The following ZHX2 variants were observed in gnomAD, a reference collection of about 807,000 sequenced individuals.
ZHX2 encodes the protein zinc fingers and homeoboxes protein 2.
Under a neutral mutation model 21.9 loss-of-function variants are expected in ZHX2, and 6 were observed. That is an observed-to-expected ratio of 0.27 (90% CI 0.15 to 0.54). The LOEUF is 0.54. ZHX2 is among the 20% of genes least tolerant of loss of function. ZHX2 has a pLI of 0.95. For synonymous variants in ZHX2, 434 were observed against 437.1 expected, an observed-to-expected ratio of 0.99 and a Z score of 0.09; for missense variants, 908 against 1,090.7, an observed-to-expected ratio of 0.83 and a Z score of 2.36.
intron 1 of ZHX2, among the ~76,000 whole-genome samples, chr8:122,830,907 C>T (rs1818360376): frequency 6.6e-6 from 1 of 152,156 alleles, no homozygotes; most frequent in Admixed American, 6.5e-5. Flanking sequence ...GTTTCTAGAG[C>T]CAGCTTGGTG....
At chr8:122,792,089 A>G (rs965111465) in intron 1 of ZHX2, among the ~76,000 whole-genome samples, 6 of 152,290 alleles carry the variant, frequency 3.9e-5, no homozygotes, top group Non-Finnish European at 8.8e-5. Flanking sequence ...TTATCACCCC[A>G]GAAAGAGATC....
At chr8:122,841,249 G>A (rs1337720313) in intron 1 of ZHX2, among the ~76,000 whole-genome samples, 1 of 152,106 alleles carries the variant, frequency 6.6e-6, no homozygotes, top group African/African-American at 2.4e-5. Context: ...TGACAAAGGC[G>A]CTAGAGGCCT....
intron 1 of ZHX2, among the ~76,000 whole-genome samples, chr8:122,786,722 C>A (rs968942397): frequency 1.3e-5 from 2 of 152,006 alleles, no homozygotes; most frequent in African/African-American, 2.4e-5. Flanking sequence ...TGCCTCCCCC[C>A]ACCCCCAGTA....
intron 1 of ZHX2, among the ~76,000 whole-genome samples, chr8:122,844,413 C>A (rs1818708281): frequency 6.6e-6 from 1 of 152,258 alleles, no homozygotes; most frequent in Non-Finnish European, 1.5e-5. Context: ...CATTGCGAAT[C>A]TGACCTGCTC....
At chr8:122,839,438 G>A (rs1235439891) in intron 1 of ZHX2, among the ~76,000 whole-genome samples, 3 of 152,096 alleles carry the variant, frequency 2.0e-5, no homozygotes, top group South Asian at 2.1e-4. Context: ...TGCCCGGCTC[G>A]TATCCTCAGA....
At position 122,892,047 on chromosome 8, in the gene ZHX2, G is replaced by A. The variant is rs1301359674; in HGVS notation, c.-220+28508G>A. On this transcript the variant is annotated intron_variant, in intron 2 of 3. Coordinates refer to ENST00000314393, the MANE Select transcript of ZHX2 (RefSeq NM_014943.5). Reference sequence around the variant, plus strand: ...GCAGTCCTCAGCTATTATTATATTGGGGTCTCTCTCTCTCCCTTTAGGTCT... The same window carrying A: ...GCAGTCCTCAGCTATTATTATATTGAGGTCTCTCTCTCTCCCTTTAGGTCT... 3.3e-5 allele frequency among the ~76,000 whole-genome samples: 5 copies of A among 152,140 alleles called. No homozygotes were observed. The East Asian group carries it at 9.6e-4, about 29-fold the overall frequency.
intron 1 of ZHX2, among the ~76,000 whole-genome samples, chr8:122,833,583 C>T (rs1047975000): frequency 6.6e-6 from 1 of 151,956 alleles, no homozygotes; most frequent in African/African-American, 2.4e-5. Flanking sequence ...GTTAGATGGC[C>T]CAGAGGAGTC....
rs575214655 is a variant in ZHX2 at position 122,884,066 on chromosome 8, C to T, written c.-220+20527C>T. ...CTAGGCTGGGCGGTAGAGCCTATTGCTCCTAGGCTATAGACCTGTACAGCA... is the reference window on the plus strand; with the variant it reads ...CTAGGCTGGGCGGTAGAGCCTATTGTTCCTAGGCTATAGACCTGTACAGCA... On this transcript the variant is annotated intron_variant, in intron 2 of 3. Transcript: ENST00000314393. Among the ~76,000 whole-genome samples, 20 of 152,338 alleles carry T rather than the reference C, an allele frequency of 1.3e-4. No homozygotes were observed. In the South Asian group the frequency reaches 3.7e-3, roughly 28 times the overall value.
At chr8:122,868,186 G>A (rs942690167) in intron 2 of ZHX2, among the ~76,000 whole-genome samples, 3 of 152,118 alleles carry the variant, frequency 2.0e-5, no homozygotes, top group Admixed American at 6.5e-5. Context: ...TTCCATTGTC[G>A]GGAGATTCAG....
In ZHX2 at chr8:122,792,693, G is replaced by T. The variant is rs183237758; in HGVS notation, c.-283+10747G>T. Among the ~76,000 whole-genome samples, 62 of 152,212 alleles carry T rather than the reference G, an allele frequency of 4.1e-4. No homozygotes were observed. In the Middle Eastern group the frequency reaches 0.014, roughly 33 times the overall value. ...GGGAACTGAGGCACAGAGAAGGGAG[G>T]GTCCCATGGCTAGGGAGGAGGAGCA... On this transcript the variant is annotated intron_variant, in intron 1 of 3. Coordinates refer to ENST00000314393, the MANE Select transcript of ZHX2 (RefSeq NM_014943.5).
intron 1 of ZHX2, among the ~76,000 whole-genome samples, chr8:122,786,107 A>T (rs1040496015): frequency 7.2e-5 from 11 of 152,348 alleles, no homozygotes; most frequent in African/African-American, 2.6e-4. Context: ...ATCCAAACTT[A>T]ACCTGATGTG....
Position 122,952,224 on chromosome 8 carries a change from A to C in ZHX2, c.714A>C (p.Thr238=), listed in dbSNP as rs1413284393. 1.9e-6 allele frequency: 3 copies of C among 1,613,840 alleles called. No homozygotes were observed. Among genetic ancestry groups the C allele is most frequent in the Non-Finnish European group, 1.7e-6 (2 of 1,179,958 alleles). Residue 238 remains threonine, a synonymous_variant, in exon 3 of 4, where the codon ACA becomes ACC. Coordinates refer to ENST00000314393, the MANE Select transcript of ZHX2 (RefSeq NM_014943.5). The surrounding 1 kb of genome is among the most constrained non-coding windows in gnomAD (Gnocchi z 6.9). ...RLGGVELLQD[T]LGHVMPSVQL... ...GCGGGGTGGAGCTCCTCCAAGACACATTAGGACACGTCATGCCTTCTGTAC... is the reference window on the plus strand; with the variant it reads ...GCGGGGTGGAGCTCCTCCAAGACACCTTAGGACACGTCATGCCTTCTGTAC...
chr8:122,783,580 T>TC (rs1287821703), intron 1 of ZHX2, among the ~76,000 whole-genome samples: 9 of 152,310 alleles, frequency 5.9e-5, no homozygotes, highest in African/African-American at 1.7e-4. Flanking sequence ...TGAGAGCTCT[T>TC]CAAGATTTGA....
chr8:122,928,145 T>A (rs2130124389), intron 2 of ZHX2, among the ~76,000 whole-genome samples: 1 of 152,222 alleles, frequency 6.6e-6, no homozygotes, highest in Non-Finnish European at 1.5e-5. Context: ...CTCCATCTCC[T>A]CCATCTCATT....
At chr8:122,963,844 T>C (rs530752844) in intron 3 of ZHX2, among the ~76,000 whole-genome samples, 2 of 149,744 alleles carry the variant, frequency 1.3e-5, no homozygotes, top group South Asian at 4.2e-4. Context: ...TTCACTTCTT[T>C]TGTTAGGTAT....
chr8:122,900,593 G>A (rs1264149369), intron 2 of ZHX2, among the ~76,000 whole-genome samples: 5 of 152,112 alleles, frequency 3.3e-5, no homozygotes, highest in East Asian at 3.9e-4. Context: ...CTCCTCACAC[G>A]TGGGTTCTGA....
At chr8:122,793,765 A>G (rs1423165974) in intron 1 of ZHX2, among the ~76,000 whole-genome samples, 1 of 152,188 alleles carries the variant, frequency 6.6e-6, no homozygotes, top group African/African-American at 2.4e-5. Context: ...ACATGGCTCA[A>G]ATGGACTCAC....
chr8:122,800,173 G>A (rs12681620), intron 1 of ZHX2, among the ~76,000 whole-genome samples: 4,535 of 152,282 alleles, frequency 0.03, 245 homozygotes, highest in East Asian at 0.27. Flanking sequence ...ATTTTTGAGA[G>A]AAGAAAATGC....
At chr8:122,898,685 T>G (rs1820154830) in intron 2 of ZHX2, among the ~76,000 whole-genome samples, 1 of 152,268 alleles carries the variant, frequency 6.6e-6, no homozygotes, top group South Asian at 2.1e-4. Flanking sequence ...AAGCACTCTT[T>G]GTGACCAGAA....
Sources: allele counts gnomAD v4.1 joint callset (sites outside exome capture counted in the v4.1 genomes callset), GRCh38; gene constraint gnomAD v4.1.1; non-coding constraint Gnocchi (gnomAD v3.1); transcripts MANE v1.5; gene names NCBI Gene and HGNC (gene_info 2026-07-23, HGNC 2026-07-21).